The following IPO7 variants were observed in gnomAD, a reference collection of about 807,000 sequenced individuals.
The protein encoded by IPO7 is importin 7, also known as importin-7.
In IPO7, 13 loss-of-function variants were observed where a neutral mutation model predicts 136.4. The ratio of observed to expected loss-of-function variants is 0.10; its 90% CI spans 0.06 to 0.15. The LOEUF is 0.15. Ranked by LOEUF, IPO7 falls within the 10% of genes least tolerant of loss-of-function variation. IPO7 has a pLI of 1.00. For missense variants in IPO7, 857 were observed against 1,240.6 expected (o/e 0.69, Z 4.65); for synonymous variants, 403 against 404.4 (o/e 1.00, Z 0.04).
At chr11:9,403,697 AC>A (rs1232467709) in intron 2 of IPO7, among the ~76,000 whole-genome samples, 1 of 152,044 alleles carries the variant, frequency 6.6e-6, no homozygotes, top group African/African-American at 2.4e-5. Context: ...ATCTCTTACC[AC>A]CTTTTTGCTT....
At chr11:9,423,270 G>C in intron 9 of IPO7, 130 bp downstream of exon 9, 1 of 548,266 alleles carries the variant, frequency 1.8e-6, no homozygotes. Context: ...TGTTTTGAGA[G>C]TATAGCAGAA....
At chr11:9,433,978 C>A in intron 18 of IPO7, 132 bp downstream of exon 18, 5 of 854,276 alleles carry the variant, frequency 5.9e-6, no homozygotes, top group Non-Finnish European at 8.8e-6. Context: ...GGCTGGAGTG[C>A]AATGGTGCGA....
chr11:9,420,809 T>G, intron 8 of IPO7, 111 bp downstream of exon 8: 1 of 697,774 alleles, frequency 1.4e-6, no homozygotes, highest in Non-Finnish European at 2.5e-6. Flanking sequence ...TTGGACCCTG[T>G]ACCAGGTCTC....
Position 9,386,917 on chromosome 11 carries a change from C to A in IPO7, c.84+2070C>A, listed in dbSNP as rs78088862. Among the ~76,000 whole-genome samples, 702 of 152,198 alleles carry A rather than the reference C, an allele frequency of 4.6e-3. 15 individuals carry two copies. The East Asian group carries it at 0.078, about 17-fold the overall frequency. On this transcript the variant is annotated intron_variant, in intron 1 of 24. Transcript: ENST00000379719. The stretch of plus-strand genomic sequence containing the variant: ...CATACATTTCTTTCAATTATAACAC[C>A]TAGATTTTTAAATATTCTTCCTAAG...
At chr11:9,438,629 TAAA>T (rs199574856) in intron 22 of IPO7, among the ~76,000 whole-genome samples, 2 of 150,568 alleles carry the variant, frequency 1.3e-5, no homozygotes, top group African/African-American at 2.4e-5. Flanking sequence ...CATCTCAGAT[TAAA>T]AAAAAATATA....
At chr11:9,411,656 A>G (rs1419548984) in intron 4 of IPO7, among the ~76,000 whole-genome samples, 1 of 152,200 alleles carries the variant, frequency 6.6e-6, no homozygotes, top group Non-Finnish European at 1.5e-5. Flanking sequence ...TTTTTTTAAC[A>G]GAATAGTGAT....
intron 1 of IPO7, among the ~76,000 whole-genome samples, chr11:9,401,731 TTATA>T (rs1854799630): frequency 6.6e-6 from 1 of 152,214 alleles, no homozygotes; most frequent in Admixed American, 6.5e-5. Flanking sequence ...TAAATTATGA[TTATA>T]TAGTCTATTG....
chr11:9,408,674 T>C (rs774511602), intron 3 of IPO7, 35 bp downstream of exon 3: 2 of 1,226,132 alleles, frequency 1.6e-6, no homozygotes, highest in Admixed American at 2.8e-5. Flanking sequence ...TTTCTGCAGG[T>C]GTGTAACTTT....
At chr11:9,435,426 T>C (rs1251785983) in intron 19 of IPO7, among the ~76,000 whole-genome samples, 4 of 152,172 alleles carry the variant, frequency 2.6e-5, no homozygotes, top group African/African-American at 9.7e-5. Flanking sequence ...CCCCCTTTTG[T>C]TTGGTTGGGG....
Position 9,433,861 on chromosome 11 carries a change from C to G in IPO7, c.2074+15C>G, listed in dbSNP as rs781404533. ...TTACTTTACAGGTGAGTCAAAGCAG[C>G]ATGGAAATACTGAGGGTTTTCCCTG... is the stretch of plus-strand genomic sequence containing the variant. On this transcript the variant is annotated intron_variant, in intron 18 of 24. Coordinates refer to ENST00000379719, the MANE Select transcript of IPO7 (RefSeq NM_006391.3). 1.2e-6 allele frequency: 2 copies of G among 1,602,576 alleles called. No individual in the cohort carries two copies. Among genetic ancestry groups the G allele is most frequent in the Non-Finnish European group, 1.7e-6 (2 of 1,176,648 alleles).
intron 23 of IPO7, among the ~76,000 whole-genome samples, chr11:9,441,288 T>G (rs1415430394): frequency 6.6e-6 from 1 of 152,216 alleles, no homozygotes; most frequent in African/African-American, 2.4e-5. Flanking sequence ...AATGTGTCAT[T>G]GTATGTGGCT....
At chr11:9,415,639 C>T (rs1235419022) in intron 5 of IPO7, among the ~76,000 whole-genome samples, 1 of 152,022 alleles carries the variant, frequency 6.6e-6, no homozygotes, top group East Asian at 1.9e-4. Context: ...GAGGTCGAGA[C>T]CATCCTGGCT....
chr11:9,399,518 G>A (rs957807165), intron 1 of IPO7, among the ~76,000 whole-genome samples: 5 of 152,168 alleles, frequency 3.3e-5, no homozygotes, highest in Non-Finnish European at 2.9e-5. Context: ...ATTAAATTGG[G>A]TTGATGAAGA....
At chr11:9,432,659 A>G (rs1405905291) in intron 16 of IPO7, among the ~76,000 whole-genome samples, 1 of 152,154 alleles carries the variant, frequency 6.6e-6, no homozygotes, top group Non-Finnish European at 1.5e-5. Flanking sequence ...TCTTGCTTTT[A>G]TATCTGATTA....
intron 2 of IPO7, among the ~76,000 whole-genome samples, chr11:9,407,423 G>A (rs753364235): frequency 5.3e-5 from 8 of 152,008 alleles, no homozygotes; most frequent in Non-Finnish European, 8.8e-5. Context: ...GCATGGTGGT[G>A]CATGCCTGTA....
At chr11:9,408,310 CAG>C (rs754565947) in intron 2 of IPO7, among the ~76,000 whole-genome samples, 174 bp from the exon 3 acceptor site, 28 of 152,144 alleles carry the variant, frequency 1.8e-4, no homozygotes, top group Non-Finnish European at 2.6e-4. Flanking sequence ...ATTGCTGTAA[CAG>C]TGTTCAATTT....
chr11:9,433,493 T>C, intron 16 of IPO7, 77 bp from the exon 17 acceptor site: 2 of 940,170 alleles, frequency 2.1e-6, no homozygotes, highest in Non-Finnish European at 3.4e-6. Context: ...TTAAGTGTAC[T>C]GAATTATAAT....
rs935283236 is a variant in IPO7 at position 9,414,464 on chromosome 11, G to C, written c.636+53G>C. 80 of 1,163,838 alleles carry C rather than the reference G, an allele frequency of 6.9e-5. No individual in the cohort carries two copies. In the East Asian group the frequency reaches 2.1e-3, roughly 31 times the overall value. 72.1% of individuals were successfully genotyped at this position (1,163,838 alleles called of 1,614,324 possible). On this transcript the variant is annotated intron_variant, in intron 5 of 24. Coordinates refer to ENST00000379719, the MANE Select transcript of IPO7 (RefSeq NM_006391.3). ...ATAAAAAGTTAGTCTGTCATTTACC[G>C]TGTTAAAAATTAACAAAGAATTTCA...
chr11:9,439,600 A>G (rs918581239), intron 22 of IPO7, among the ~76,000 whole-genome samples: 3 of 151,490 alleles, frequency 2.0e-5, no homozygotes, highest in Non-Finnish European at 2.9e-5. Flanking sequence ...TGTTGTTGAG[A>G]CGGAATCTCG....
Sources: allele counts gnomAD v4.1 joint callset (sites outside exome capture counted in the v4.1 genomes callset), GRCh38; gene constraint gnomAD v4.1.1; transcripts MANE v1.5; gene names NCBI Gene and HGNC (gene_info 2026-07-23, HGNC 2026-07-21).